NRG3: variants seen among roughly 807,000 people sequenced by gnomAD.
NRG3 encodes the protein pro-neuregulin-3, membrane-bound isoform.
A neutral mutation model predicts 66.9 loss-of-function variants in NRG3; 31 were observed. The observed-to-expected ratio is 0.46, with a 90% CI of 0.35 to 0.63. The LOEUF (loss-of-function observed/expected upper bound fraction) is 0.63, where lower values mean the gene tolerates loss of function less well. Ranked by LOEUF, NRG3 falls within the 20% of genes least tolerant of loss-of-function variation. The pLI, the probability that NRG3 is intolerant of heterozygous loss-of-function variation, is 0.00. For synonymous variants in NRG3, 393 were observed against 359.4 expected (o/e 1.09, Z -1.06); for missense variants, 910 against 878.9 (o/e 1.04, Z -0.45).
intron 1 of NRG3, among the ~76,000 whole-genome samples, chr10:82,170,680 A>AGG (rs2072528036): frequency 7.3e-6 from 1 of 137,444 alleles, no homozygotes; most frequent in African/African-American, 2.7e-5. Context: ...ATATATATAT[A>AGG]TATATATATA....
At chr10:82,426,631 ATTATTAT>A (rs2089464856) in intron 2 of NRG3, among the ~76,000 whole-genome samples, 9 of 142,532 alleles carry the variant, frequency 6.3e-5, no homozygotes, top group African/African-American at 2.3e-4. Flanking sequence ...TATTATTATT[ATTATTAT>A]TATTATTATT....
At chr10:82,925,218 T>C (rs1213747591) in intron 4 of NRG3, among the ~76,000 whole-genome samples, 1 of 152,182 alleles carries the variant, frequency 6.6e-6, no homozygotes, top group Admixed American at 6.5e-5. Context: ...TCTCCAACAC[T>C]ATTGGTTTGA....
intron 2 of NRG3, among the ~76,000 whole-genome samples, chr10:82,462,153 A>C (rs992825159): frequency 1.1e-4 from 16 of 152,008 alleles, no homozygotes; most frequent in Admixed American, 2.6e-4. Flanking sequence ...ATAAATAAAT[A>C]AATCTATCTA....
chr10:82,939,302 T>C (rs1848360770), intron 4 of NRG3, among the ~76,000 whole-genome samples: 1 of 152,190 alleles, frequency 6.6e-6, no homozygotes, highest in South Asian at 2.1e-4. Context: ...TGTTTATGAA[T>C]TTAAACTGTT....
chr10:82,895,215 G>A (rs1212984278), intron 4 of NRG3, among the ~76,000 whole-genome samples: 1 of 152,094 alleles, frequency 6.6e-6, no homozygotes, highest in African/African-American at 2.4e-5. Flanking sequence ...ATATGTAGAT[G>A]CTATTCCCAC....
chr10:81,883,210 A>G (rs1013513305), intron 1 of NRG3, among the ~76,000 whole-genome samples: 18 of 152,220 alleles, frequency 1.2e-4, no homozygotes, highest in Non-Finnish European at 2.9e-5. Flanking sequence ...GATTGTATCC[A>G]TCAAGGAGCT....
intron 1 of NRG3, among the ~76,000 whole-genome samples, chr10:81,877,245 C>G (rs985534561): frequency 2.0e-5 from 3 of 152,138 alleles, no homozygotes; most frequent in African/African-American, 7.2e-5. Context: ...CCACCTTGTT[C>G]TTATTCAAAG....
At position 82,209,850 on chromosome 10, in the gene NRG3, A is replaced by G. The variant is rs544208365; in HGVS notation, c.824-148889A>G. Among the ~76,000 whole-genome samples the G allele has an allele frequency of 1.3e-3, 201 of 152,274 alleles. 1 individual carries two copies. The highest frequency in any genetic ancestry group is 2.3e-3 in the South Asian group (11 of 4,828). ...ACAAGTCTGTGTAAGCTGCAGCTTCAGCCATCTCTTCCATGCAATGTCAAT... is the reference window on the plus strand; with the variant it reads ...ACAAGTCTGTGTAAGCTGCAGCTTCGGCCATCTCTTCCATGCAATGTCAAT... On this transcript the variant is annotated intron_variant, in intron 1 of 8. Coordinates refer to ENST00000372141, the MANE Select transcript of NRG3 (RefSeq NM_001010848.4).
intron 2 of NRG3, among the ~76,000 whole-genome samples, chr10:82,496,517 T>C (rs552117665): frequency 7.0e-4 from 106 of 152,202 alleles, no homozygotes; most frequent in Admixed American, 1.3e-3. Context: ...ATTGACATGA[T>C]TGTTTATTTC....
Position 82,789,801 on chromosome 10 carries a change from T to G in NRG3, c.1027+51151T>G, listed in dbSNP as rs1454234673. ...CCTTCCTTAGTATTAAATGAATATA[T>G]TAAAATACCATTTTAATTCCCTTTT... is the stretch of plus-strand genomic sequence containing the variant. On this transcript the variant is annotated intron_variant, in intron 3 of 8. Coordinates refer to ENST00000372141, the MANE Select transcript of NRG3 (RefSeq NM_001010848.4). 2.6e-5 allele frequency among the ~76,000 whole-genome samples: 4 copies of G among 152,214 alleles called. No individual in the cohort carries two copies. The East Asian group carries it at 7.7e-4, about 29-fold the overall frequency.
At chr10:82,390,231 T>G (rs2135949419) in intron 2 of NRG3, among the ~76,000 whole-genome samples, 1 of 152,272 alleles carries the variant, frequency 6.6e-6, no homozygotes, top group South Asian at 2.1e-4. Flanking sequence ...CTCTGAAATT[T>G]TTGCCTCTAC....
At chr10:82,689,466 C>T (rs143466842) in intron 2 of NRG3, among the ~76,000 whole-genome samples, 1 of 152,170 alleles carries the variant, frequency 6.6e-6, no homozygotes, top group African/African-American at 2.4e-5. Context: ...TCAGAATTAC[C>T]ATTAATGATG....
At position 82,370,881 on chromosome 10, in the gene NRG3, C is replaced by T. The variant is rs192845486; in HGVS notation, c.953+12013C>T. ...ATGTTTATTTTTTTAATGCTCACAG[C>T]GATTCTGGTGGCTTTATGAATATCA... is the stretch of plus-strand genomic sequence containing the variant. On this transcript the variant is annotated intron_variant, in intron 2 of 8. Transcript: ENST00000372141. 1.7e-3 allele frequency among the ~76,000 whole-genome samples: 256 copies of T among 151,544 alleles called. 1 individual carries two copies. The highest frequency in any genetic ancestry group is 5.8e-3 in the African/African-American group (241 of 41,328).
At chr10:82,879,022 T>A (rs1405809708) in intron 4 of NRG3, among the ~76,000 whole-genome samples, 1 of 152,238 alleles carries the variant, frequency 6.6e-6, no homozygotes, top group Non-Finnish European at 1.5e-5. Context: ...AATAATTCAA[T>A]TAAATACATT....
chr10:82,448,631 G>T (rs1449204365), intron 2 of NRG3, among the ~76,000 whole-genome samples: 1 of 152,034 alleles, frequency 6.6e-6, no homozygotes, highest in Non-Finnish European at 1.5e-5. Context: ...TCTTTCCCCA[G>T]CTCCCCTGTA....
At chr10:82,201,209 A>C (rs1484314910) in intron 1 of NRG3, among the ~76,000 whole-genome samples, 2 of 151,200 alleles carry the variant, frequency 1.3e-5, no homozygotes, top group Admixed American at 1.3e-4. Context: ...AAAAAAAAAA[A>C]AAAAAAAAGA....
chr10:82,232,116 A>G (rs1438741026), intron 1 of NRG3: 1 of 152,184 alleles, frequency 6.6e-6, no homozygotes, highest in Non-Finnish European at 1.5e-5. Flanking sequence ...CTGGGAGGAT[A>G]TAGAAAGGAA....
intron 2 of NRG3, among the ~76,000 whole-genome samples, chr10:82,557,825 A>C (rs1450703634): frequency 3.3e-5 from 5 of 152,148 alleles, no homozygotes; most frequent in Non-Finnish European, 5.9e-5. Context: ...GGACACGTAG[A>C]CTCAGTGAGG....
intron 3 of NRG3, among the ~76,000 whole-genome samples, chr10:82,808,102 ATTCGTAGG>A (rs2135483469): frequency 6.6e-6 from 1 of 152,110 alleles, no homozygotes; most frequent in South Asian, 2.1e-4. Context: ...TTTATGGTTA[ATTCGTAGG>A]TTCTTCACTT....
Sources: gnomAD v4.1 joint callset for allele counts (sites outside exome capture counted in the v4.1 genomes callset) on GRCh38, gnomAD v4.1.1 for gene constraint, MANE v1.5 for transcripts, NCBI Gene and HGNC (gene_info 2026-07-23, HGNC 2026-07-21) for gene names.